The following ATRNL1 variants were observed in gnomAD, a reference collection of about 807,000 sequenced individuals.
The protein encoded by ATRNL1 is attractin like 1.
In ATRNL1, 95 loss-of-function variants were observed where a neutral mutation model predicts 182.7. The observed-to-expected ratio is 0.52, with a 90% CI of 0.44 to 0.62. The LOEUF (loss-of-function observed/expected upper bound fraction) is 0.62. ATRNL1 is among the 20% of genes least tolerant of loss of function. The probability of loss-of-function intolerance (pLI) is 0.00; values close to 1 mark genes in which losing one functional copy is unlikely to be tolerated. For synonymous variants in ATRNL1, 576 were observed against 568.3 expected (o/e 1.01, Z -0.19); for missense variants, 1,471 against 1,679.5 (o/e 0.88, Z 2.17).
chr10:115,353,414 G>A lies in ATRNL1; in HGVS notation c.3175+18995G>A, dbSNP rs1396511010. 4.6e-5 allele frequency among the ~76,000 whole-genome samples: 7 copies of A among 151,950 alleles called. No individual in the cohort carries two copies. In the South Asian group the frequency reaches 1.4e-3, roughly 31 times the overall value. ...CTTGTTTTTTGTTTCCATTTGCATG[G>A]AATATTTCATTTCATTTCCTTCATT... On this transcript the variant is annotated intron_variant, in intron 19 of 28. Coordinates refer to ENST00000355044, the MANE Select transcript of ATRNL1 (RefSeq NM_207303.4).
intron 9 of ATRNL1, among the ~76,000 whole-genome samples, chr10:115,231,679 G>A (rs1849959279): frequency 6.6e-6 from 1 of 151,966 alleles, no homozygotes; most frequent in South Asian, 2.1e-4. Flanking sequence ...CAAATAGAGT[G>A]GTAAACCTTA....
At chr10:115,134,277 G>T (rs1224755985) in intron 5 of ATRNL1, among the ~76,000 whole-genome samples, 1 of 151,956 alleles carries the variant, frequency 6.6e-6, no homozygotes, top group African/African-American at 2.4e-5. Flanking sequence ...CAACAAAATT[G>T]ATAGACCATT....
At chr10:115,394,097 C>A (rs628403) in intron 19 of ATRNL1, among the ~76,000 whole-genome samples, 9 of 151,610 alleles carry the variant, frequency 5.9e-5, no homozygotes, top group Non-Finnish European at 1.0e-4. Context: ...ATTATTCTTA[C>A]CAGTAGTAAT....
chr10:115,490,053 C>T (rs950310266), intron 24 of ATRNL1, among the ~76,000 whole-genome samples: 2 of 152,102 alleles, frequency 1.3e-5, no homozygotes, highest in African/African-American at 4.8e-5. Flanking sequence ...ATATTAGCCC[C>T]CAGTCTCTTC....
intron 26 of ATRNL1, among the ~76,000 whole-genome samples, chr10:115,656,745 A>G (rs1312735371): frequency 1.3e-5 from 2 of 152,088 alleles, no homozygotes; most frequent in African/African-American, 4.8e-5. Context: ...CCAAGTTGTG[A>G]TTGTTTGTTT....
intron 19 of ATRNL1, among the ~76,000 whole-genome samples, chr10:115,364,002 GCT>G (rs1856890490): frequency 6.6e-6 from 1 of 152,020 alleles, no homozygotes; most frequent in South Asian, 2.1e-4. Context: ...GGTGATGCGG[GCT>G]CTTTTTTGAT....
intron 26 of ATRNL1, among the ~76,000 whole-genome samples, chr10:115,621,276 TAGAGAGAG>T (rs1157745862): frequency 2.3e-4 from 11 of 47,580 alleles, no homozygotes; most frequent in African/African-American, 6.6e-4. Flanking sequence ...TATATATATA[TAGAGAGAG>T]AGAGAGAGAG....
At chr10:115,737,841 T>C (rs1445470357) in intron 27 of ATRNL1, among the ~76,000 whole-genome samples, 1 of 152,116 alleles carries the variant, frequency 6.6e-6, no homozygotes, top group East Asian at 1.9e-4. Context: ...TTGACTTTTC[T>C]CTTGGTGTTT....
intron 19 of ATRNL1, among the ~76,000 whole-genome samples, chr10:115,376,196 G>A (rs898974560): frequency 6.6e-6 from 1 of 151,526 alleles, no homozygotes; most frequent in Non-Finnish European, 1.5e-5. Flanking sequence ...TTTTTAAAGG[G>A]GGTAGGGATT....
chr10:115,683,327 T>C (rs975230659), intron 26 of ATRNL1, among the ~76,000 whole-genome samples: 3 of 152,002 alleles, frequency 2.0e-5, no homozygotes, highest in African/African-American at 7.2e-5. Flanking sequence ...CACTGTCATT[T>C]ATATAATTTT....
intron 18 of ATRNL1, among the ~76,000 whole-genome samples, chr10:115,320,770 G>T (rs782062685): frequency 2.0e-5 from 3 of 151,908 alleles, no homozygotes. Flanking sequence ...CTCTAAACTG[G>T]TTATTCTAGT....
At chr10:115,197,009 TG>T (rs1357921529) in intron 8 of ATRNL1, among the ~76,000 whole-genome samples, 1 of 152,158 alleles carries the variant, frequency 6.6e-6, no homozygotes, top group East Asian at 1.9e-4. Flanking sequence ...GTCTTAGCAA[TG>T]TGTTTAACAT....
intron 1 of ATRNL1, among the ~76,000 whole-genome samples, chr10:115,103,934 A>T (rs1294740401): frequency 6.6e-6 from 1 of 152,176 alleles, no homozygotes. Context: ...TTATTTATCC[A>T]TTCATTTCTT....
intron 19 of ATRNL1, among the ~76,000 whole-genome samples, chr10:115,348,619 G>A (rs1856087617): frequency 6.6e-6 from 1 of 152,102 alleles, no homozygotes; most frequent in South Asian, 2.1e-4. Flanking sequence ...TATTTGCAAT[G>A]AAGGAATATC....
chr10:115,885,163 A>C (rs1951913867), intron 28 of ATRNL1, among the ~76,000 whole-genome samples: 1 of 152,234 alleles, frequency 6.6e-6, no homozygotes, highest in Non-Finnish European at 1.5e-5. Flanking sequence ...GTAAGTAGAG[A>C]GTACTTATGT....
chr10:115,710,921 G>A (rs1442930340), intron 26 of ATRNL1, among the ~76,000 whole-genome samples: 2 of 152,052 alleles, frequency 1.3e-5, no homozygotes, highest in Non-Finnish European at 2.9e-5. Context: ...TAACCTGACT[G>A]ATACAGCAAG....
intron 26 of ATRNL1, among the ~76,000 whole-genome samples, chr10:115,721,119 G>A: frequency 6.6e-6 from 1 of 152,096 alleles, no homozygotes; most frequent in East Asian, 1.9e-4. Context: ...TGCAGTTTGA[G>A]GAATCTCTGG....
intron 26 of ATRNL1, among the ~76,000 whole-genome samples, chr10:115,597,260 T>C (rs1856302786): frequency 6.6e-6 from 1 of 152,152 alleles, no homozygotes; most frequent in Non-Finnish European, 1.5e-5. Context: ...ATAACACAAA[T>C]ATTCATATGT....
chr10:115,503,921 T>C (rs1253748204), intron 24 of ATRNL1, among the ~76,000 whole-genome samples: 2 of 151,960 alleles, frequency 1.3e-5, no homozygotes, highest in African/African-American at 4.8e-5. Context: ...ATCTTTCTTA[T>C]TTCCTGGTTC....
Sources: gnomAD v4.1 joint callset for allele counts (sites outside exome capture counted in the v4.1 genomes callset) on GRCh38, gnomAD v4.1.1 for gene constraint, MANE v1.5 for transcripts, NCBI Gene and HGNC (gene_info 2026-07-23, HGNC 2026-07-21) for gene names.